Variants in NOL4 observed in about 807,000 individuals in gnomAD.
NOL4 encodes the protein cancer/testis antigen 125.
A neutral mutation model predicts 75.9 loss-of-function variants in NOL4; 17 were observed. The ratio of observed to expected loss-of-function variants is 0.22; its 90% CI spans 0.15 to 0.34. The LOEUF is 0.34. NOL4 is among the 10% of genes least tolerant of loss of function. The pLI is 1.00. For synonymous variants in NOL4, 292 were observed against 289.9 expected (o/e 1.01, Z -0.07); for missense variants, 614 against 793.5 (o/e 0.77, Z 2.72).
chr18:34,038,951 C>G (rs769509631), intron 5 of NOL4, among the ~76,000 whole-genome samples: 2 of 151,636 alleles, frequency 1.3e-5, no homozygotes, highest in Admixed American at 6.6e-5. Flanking sequence ...GATGGGTGCC[C>G]CCAAATAAGC....
At chr18:34,083,805 A>T (rs1457513475) in intron 5 of NOL4, among the ~76,000 whole-genome samples, 1 of 152,208 alleles carries the variant, frequency 6.6e-6, no homozygotes, top group African/African-American at 2.4e-5. Context: ...AAAAGGAAGA[A>T]TTCACAGGCC....
intron 10 of NOL4, among the ~76,000 whole-genome samples, chr18:33,868,353 A>C (rs1313577408): frequency 6.6e-6 from 1 of 151,930 alleles, no homozygotes; most frequent in East Asian, 1.9e-4. Context: ...TTAATCTCAT[A>C]CAGAAACACC....
intron 2 of NOL4, among the ~76,000 whole-genome samples, chr18:34,116,223 T>C (rs1234039224): frequency 2.0e-5 from 3 of 152,008 alleles, no homozygotes; most frequent in African/African-American, 7.2e-5. Flanking sequence ...GACAAACTTA[T>C]CCACCTGCAG....
intron 6 of NOL4, among the ~76,000 whole-genome samples, chr18:34,006,883 C>G (rs951415634): frequency 4.6e-5 from 7 of 151,982 alleles, no homozygotes. Flanking sequence ...TGCTTCAAAT[C>G]AGCAATTAAT....
intron 5 of NOL4, among the ~76,000 whole-genome samples, chr18:34,076,326 A>G (rs1308295189): frequency 6.6e-6 from 1 of 152,140 alleles, no homozygotes; most frequent in Non-Finnish European, 1.5e-5. Flanking sequence ...TATTATACCC[A>G]TACGGAGCGG....
intron 9 of NOL4, among the ~76,000 whole-genome samples, chr18:33,901,185 G>T (rs2065728103): frequency 1.3e-5 from 2 of 152,094 alleles, no homozygotes; most frequent in Non-Finnish European, 2.9e-5. Flanking sequence ...TTTGGCATCA[G>T]ATCATAAGAC....
At chr18:33,926,340 C>A (rs1310661631) in intron 9 of NOL4, among the ~76,000 whole-genome samples, 1 of 101,238 alleles carries the variant, frequency 9.9e-6, no homozygotes, top group African/African-American at 4.0e-5. Context: ...AAAATGGCGA[C>A]AGAGGAAGAC....
At chr18:34,079,996 T>C (rs559496742) in intron 5 of NOL4, among the ~76,000 whole-genome samples, 2 of 152,318 alleles carry the variant, frequency 1.3e-5, no homozygotes, top group East Asian at 3.9e-4. Flanking sequence ...TTAAAGGAGA[T>C]GTGGTAAGCA....
chr18:33,896,615 C>A (rs562562061), intron 9 of NOL4, among the ~76,000 whole-genome samples: 1 of 151,838 alleles, frequency 6.6e-6, no homozygotes, highest in East Asian at 1.9e-4. Context: ...CCACAAAAAT[C>A]AACTCAAGAT....
intron 9 of NOL4, among the ~76,000 whole-genome samples, chr18:33,904,298 G>T (rs2065905884): frequency 6.6e-6 from 1 of 152,012 alleles, no homozygotes; most frequent in Non-Finnish European, 1.5e-5. Flanking sequence ...GGTCATTGAT[G>T]CTGTCTCTGG....
intron 2 of NOL4, among the ~76,000 whole-genome samples, chr18:34,109,107 G>A (rs2079459701): frequency 6.6e-6 from 1 of 151,976 alleles, no homozygotes; most frequent in Admixed American, 6.6e-5. Context: ...AATCAAACAG[G>A]AAATCCAGAA....
chr18:33,944,622 G>A (rs988285032), intron 8 of NOL4, among the ~76,000 whole-genome samples: 1 of 151,804 alleles, frequency 6.6e-6, no homozygotes, highest in African/African-American at 2.4e-5. Context: ...AAAGCAGTTG[G>A]ATATTTGGAA....
intron 9 of NOL4, among the ~76,000 whole-genome samples, chr18:33,915,860 C>T (rs1230075798): frequency 6.6e-6 from 1 of 152,126 alleles, no homozygotes; most frequent in Admixed American, 6.6e-5. Context: ...CTCTTTGGTG[C>T]TTACTCTGAG....
intron 10 of NOL4, among the ~76,000 whole-genome samples, chr18:33,879,042 T>C (rs1184469635): frequency 6.6e-6 from 1 of 152,152 alleles, no homozygotes; most frequent in Non-Finnish European, 1.5e-5. Flanking sequence ...AGTTCCTCTC[T>C]ATGTGAGGCT....
chr18:33,891,590 G>A (rs558320891), intron 9 of NOL4, among the ~76,000 whole-genome samples: 16 of 152,154 alleles, frequency 1.1e-4, no homozygotes, highest in African/African-American at 3.9e-4. Context: ...TCTGGTTTTG[G>A]AAAAATGGTG....
intron 1 of NOL4, among the ~76,000 whole-genome samples, chr18:34,197,307 G>T (rs1600852855): frequency 6.6e-6 from 1 of 151,918 alleles, no homozygotes; most frequent in South Asian, 2.1e-4. Flanking sequence ...GTGTTGAATA[G>T]ATCTATAGGT....
chr18:34,069,197 C>T (rs1329021740), intron 5 of NOL4, among the ~76,000 whole-genome samples: 2 of 151,986 alleles, frequency 1.3e-5, no homozygotes, highest in African/African-American at 4.8e-5. Flanking sequence ...ATTAGAAACT[C>T]TAAGAAAACA....
intron 5 of NOL4, among the ~76,000 whole-genome samples, chr18:34,090,464 G>A (rs1034650124): frequency 3.9e-5 from 6 of 152,170 alleles, no homozygotes; most frequent in African/African-American, 1.4e-4. Context: ...GCTCAGGAAA[G>A]ATGTCAGGGC....
intron 5 of NOL4, among the ~76,000 whole-genome samples, chr18:34,076,208 C>A (rs867871120): frequency 6.6e-6 from 1 of 152,292 alleles, no homozygotes; most frequent in African/African-American, 2.4e-5. Flanking sequence ...TACGCAAATG[C>A]AGCTTCCCAC....
Sources: allele counts gnomAD v4.1 joint callset (sites outside exome capture counted in the v4.1 genomes callset), GRCh38; gene constraint gnomAD v4.1.1; transcripts MANE v1.5; gene names NCBI Gene and HGNC (gene_info 2026-07-23, HGNC 2026-07-21).